The following ANKRD30B variants were observed in gnomAD, a reference collection of about 807,000 sequenced individuals.
The protein encoded by ANKRD30B is ankyrin repeat domain 30B, also known as ankyrin repeat domain-containing protein 30B.
Under a neutral mutation model 202.2 loss-of-function variants are expected in ANKRD30B, and 144 were observed. The observed-to-expected ratio is 0.71, with a 90% CI of 0.62 to 0.82. The LOEUF (loss-of-function observed/expected upper bound fraction) is 0.82, where lower values mean the gene tolerates loss of function less well. Ranked by LOEUF, ANKRD30B falls within the 40% of genes least tolerant of loss-of-function variation. The pLI, the probability that ANKRD30B is intolerant of heterozygous loss-of-function variation, is 0.00. For missense variants in ANKRD30B, 1,487 were observed against 1,669.1 expected (o/e 0.89, Z 1.90); for synonymous variants, 508 against 561.3 (o/e 0.91, Z 1.34).
the ANKRD30B span, among the ~76,000 whole-genome samples, chr18:14,903,067 T>C: frequency 2.2e-4 from 33 of 152,176 alleles, no homozygotes; most frequent in Non-Finnish European, 4.3e-4. Flanking sequence ...GCTGCACTCC[T>C]TCTGGAGGCT....
rs370522390 is a variant in ANKRD30B, at chr18:14,775,722, A to G, written c.1330-2263A>G. On this transcript the variant is annotated intron_variant, in intron 9 of 43. Coordinates refer to ENST00000690538, the MANE Select transcript of ANKRD30B (RefSeq NM_001367607.2). ...AATAATAATGATGTATTCCAAGGTC[A>G]CAACTGTGGATGTGGAAGAGATAGC... 7.9e-5 allele frequency among the ~76,000 whole-genome samples: 12 copies of G among 152,352 alleles called. No individual in the cohort carries two copies. In the East Asian group the frequency reaches 1.9e-3, roughly 24 times the overall value.
intron 16 of ANKRD30B, among the ~76,000 whole-genome samples, chr18:14,793,957 A>G (rs1380949441): frequency 1.3e-5 from 2 of 152,110 alleles, no homozygotes; most frequent in Non-Finnish European, 2.9e-5. Flanking sequence ...GACTCTCTTC[A>G]TGGTGACTAA....
In ANKRD30B at chr18:14,809,202, G is replaced by T. The variant is rs959691713; in HGVS notation, c.2386+458G>T. On this transcript the variant is annotated intron_variant, in intron 26 of 43. Transcript: ENST00000690538. ...GATTTTGAGGTGAGATGGTCACATG[G>T]GGATGAAGTAATTCTTTAACTAACA... Among the ~76,000 whole-genome samples, 78 of 150,832 alleles carry T rather than the reference G, an allele frequency of 5.2e-4. 4 individuals are homozygous for T. The highest frequency in any genetic ancestry group is 1.9e-3 in the African/African-American group (78 of 40,844).
At chr18:14,869,555 T>G in the ANKRD30B span, among the ~76,000 whole-genome samples, 1 of 152,218 alleles carries the variant, frequency 6.6e-6, no homozygotes, top group Non-Finnish European at 1.5e-5. Context: ...TAATAAATTA[T>G]TTTTAATTAT....
the ANKRD30B span, among the ~76,000 whole-genome samples, chr18:14,897,685 A>T: frequency 6.6e-6 from 1 of 152,178 alleles, no homozygotes; most frequent in East Asian, 1.9e-4. Flanking sequence ...GTTTAAATAC[A>T]TTTGCAAGCC....
intron 16 of ANKRD30B, among the ~76,000 whole-genome samples, chr18:14,792,871 G>A (rs760695813): frequency 1.3e-5 from 2 of 151,964 alleles, no homozygotes; most frequent in South Asian, 2.1e-4. Flanking sequence ...CCTCATTAGC[G>A]AATAACATGA....
intron 7 of ANKRD30B, among the ~76,000 whole-genome samples, chr18:14,765,952 A>T (rs1056835744): frequency 1.3e-5 from 2 of 152,116 alleles, no homozygotes; most frequent in African/African-American, 4.8e-5. Flanking sequence ...TTTCTTTTTC[A>T]CTGTGAAAGC....
At chr18:14,788,802 C>T (rs1224798617) in intron 15 of ANKRD30B, among the ~76,000 whole-genome samples, 6 of 152,042 alleles carry the variant, frequency 3.9e-5, no homozygotes, top group East Asian at 3.9e-4. Context: ...CATTGTTGGA[C>T]ATTTGGGTTG....
At chr18:14,891,731 G>A in the ANKRD30B span, among the ~76,000 whole-genome samples, 52 of 152,312 alleles carry the variant, frequency 3.4e-4, 1 homozygote, top group South Asian at 0.01. Flanking sequence ...ATGTTCAACA[G>A]ATCTTCACTG....
the ANKRD30B span, among the ~76,000 whole-genome samples, chr18:14,893,560 G>A: frequency 7.2e-5 from 11 of 151,824 alleles, no homozygotes; most frequent in South Asian, 6.2e-4. Flanking sequence ...GCAGTGAGCC[G>A]AGATTTCACC....
rs61497414 is a variant in ANKRD30B at position 14,826,693 on chromosome 18, T to TCACACACACACACACACA, written c.2744-1568_2744-1551dup. On this transcript the variant is annotated intron_variant, in intron 32 of 43. Transcript: ENST00000690538. ...CTCTCTCCCCCTCTCTCTCTCTCTC[T>TCACACACACACACACACA]CACACACACACACACACACACACAC... Among the ~76,000 whole-genome samples, 45 of 125,044 alleles carry TCACACACACACACACACA rather than the reference T, an allele frequency of 3.6e-4. 1 individual carries two copies. In the East Asian group the frequency reaches 3.8e-3, roughly 11 times the overall value. 82.0% of individuals were successfully genotyped at this position (125,044 alleles called of 152,430 possible). A position where few individuals can be genotyped will look rare whatever the true frequency, so the allele number is the denominator to read the frequency against.
chr18:14,924,173 C>T, the ANKRD30B span, among the ~76,000 whole-genome samples: 2 of 152,198 alleles, frequency 1.3e-5, no homozygotes, highest in African/African-American at 2.4e-5. Context: ...TCCTTCTCAC[C>T]TTACCAAACT....
chr18:14,754,580 G>A (rs1273524416), intron 3 of ANKRD30B, among the ~76,000 whole-genome samples: 3 of 152,094 alleles, frequency 2.0e-5, no homozygotes, highest in Non-Finnish European at 4.4e-5. Context: ...ATGTCTTAGG[G>A]TTTAAGGATA....
the ANKRD30B span, among the ~76,000 whole-genome samples, chr18:14,938,749 G>T: frequency 1.3e-5 from 2 of 152,218 alleles, no homozygotes; most frequent in Non-Finnish European, 2.9e-5. Flanking sequence ...GAAGATGACT[G>T]TAAGAGGGGG....
intron 28 of ANKRD30B, among the ~76,000 whole-genome samples, chr18:14,811,483 T>A (rs1969920412): frequency 6.6e-6 from 1 of 150,738 alleles, no homozygotes; most frequent in Non-Finnish European, 1.5e-5. Context: ...AGTGCTGGGA[T>A]TAGAGGCGTG....
chr18:14,821,985 G>C (rs1302048986), intron 30 of ANKRD30B, among the ~76,000 whole-genome samples: 2 of 152,034 alleles, frequency 1.3e-5, no homozygotes, highest in African/African-American at 4.8e-5. Flanking sequence ...ATTCTCATCG[G>C]AGCTTTGCAA....
At position 14,810,461 on chromosome 18, in the gene ANKRD30B, C is replaced by A. The variant is rs543883973; in HGVS notation, c.2488+281C>A. Among the ~76,000 whole-genome samples, 55 of 151,200 alleles carry A rather than the reference C, an allele frequency of 3.6e-4. 1 individual carries two copies. Among genetic ancestry groups the A allele is most frequent in the African/African-American group, 1.1e-3 (44 of 41,008 alleles). ...CAATTTCTGTACGTGCTCAGTTTTACGGCAGGTGAATTTTGAAACTGTGAA... is the reference window on the plus strand; with the variant it reads ...CAATTTCTGTACGTGCTCAGTTTTAAGGCAGGTGAATTTTGAAACTGTGAA... On this transcript the variant is annotated intron_variant, in intron 28 of 43. Transcript: ENST00000690538.
intron 30 of ANKRD30B, among the ~76,000 whole-genome samples, chr18:14,818,380 C>T (rs1389286676): frequency 6.6e-6 from 1 of 151,574 alleles, no homozygotes; most frequent in African/African-American, 2.4e-5. Context: ...TTTAATTATA[C>T]TTTAAGTTTT....
At chr18:14,790,648 C>G (rs573493625) in intron 15 of ANKRD30B, among the ~76,000 whole-genome samples, 67 of 152,230 alleles carry the variant, frequency 4.4e-4, no homozygotes, top group African/African-American at 1.6e-3. Context: ...TTGAGATAAT[C>G]ATGTGGTTTT....
Sources: gnomAD v4.1 joint callset for allele counts (sites outside exome capture counted in the v4.1 genomes callset) on GRCh38, gnomAD v4.1.1 for gene constraint, MANE v1.5 for transcripts, NCBI Gene and HGNC (gene_info 2026-07-23, HGNC 2026-07-21) for gene names.